Variants in TEAD3 observed in about 807,000 individuals in gnomAD.
TEAD3 encodes the protein transcriptional enhancer factor TEF-5.
Under a neutral mutation model 55.6 loss-of-function variants are expected in TEAD3, and 15 were observed. That is an observed-to-expected ratio of 0.27 (90% CI 0.18 to 0.42). The LOEUF (loss-of-function observed/expected upper bound fraction) is 0.42, where lower values mean the gene tolerates loss of function less well. Ranked by LOEUF, TEAD3 falls within the 10% of genes least tolerant of loss-of-function variation. The pLI is 1.00. For synonymous variants in TEAD3, 210 were observed against 232.2 expected, an observed-to-expected ratio of 0.90 and a Z score of 0.87; for missense variants, 407 against 576.8, an observed-to-expected ratio of 0.71 and a Z score of 3.01.
chr6:35,489,622 C>T (rs772983419), intron 1 of TEAD3, among the ~76,000 whole-genome samples: 3 of 152,168 alleles, frequency 2.0e-5, no homozygotes, highest in Non-Finnish European at 4.4e-5. Context: ...GTCAGAGGGG[C>T]CAGATGCCCT....
At chr6:35,493,271 A>G (rs981706708) in intron 1 of TEAD3, among the ~76,000 whole-genome samples, 2 of 152,096 alleles carry the variant, frequency 1.3e-5, no homozygotes, top group Non-Finnish European at 2.9e-5. Context: ...CATTAATTAC[A>G]TTCCTTCTTT....
chr6:35,494,870 T>C (rs1429868918), intron 1 of TEAD3, among the ~76,000 whole-genome samples: 1 of 120,112 alleles, frequency 8.3e-6, no homozygotes, highest in Non-Finnish European at 1.8e-5. Flanking sequence ...CCTTGACACC[T>C]GCCCCCCGCC....
chr6:35,484,085 A>G lies in TEAD3; in HGVS notation c.267+475T>C, dbSNP rs929209540. Reference sequence around the variant, plus strand: ...ATCCCGAGTGTCACCTCCTCCAGGGAGCCTTCCCAGCTCTCTCTCCCCACT... The same window carrying G: ...ATCCCGAGTGTCACCTCCTCCAGGGGGCCTTCCCAGCTCTCTCTCCCCACT... On this transcript the variant is annotated intron_variant, in intron 3 of 12. Coordinates refer to ENST00000639578, the Ensembl canonical transcript of TEAD3. This position sits in a 1 kb window ranked among gnomAD's most constrained non-coding sequence, Gnocchi z 5.8. Among the ~76,000 whole-genome samples the G allele has an allele frequency of 1.3e-5, 2 of 151,920 alleles. No individual in the cohort carries two copies. The highest frequency in any genetic ancestry group is 4.8e-5 in the African/African-American group (2 of 41,350).
In TEAD3 at chr6:35,480,351, T is replaced by C. The variant is rs1448057102; in HGVS notation, c.268-229A>G. The C allele has an allele frequency of 2.5e-6, 4 of 1,613,950 alleles. No individual in the cohort carries two copies. In the Admixed American group the frequency reaches 6.7e-5, roughly 27 times the overall value. On this transcript the variant is annotated intron_variant, in intron 3 of 12. Coordinates refer to ENST00000639578, the Ensembl canonical transcript of TEAD3. ...GGTACTCCCGCACCTTCTTCCGAGC[T>C]AGAACCTGTATGTGGCTGGACACCT...
rs369495055 is a variant in TEAD3 at position 35,485,905 on chromosome 6, T to G, written c.202+556A>C. The stretch of plus-strand genomic sequence containing the variant: ...AGCTCTGGGAGAGCCCTCTCAGGGC[T>G]GGACAAGAGGGGACACTCCCTTCTG... On this transcript the variant is annotated intron_variant, in intron 2 of 12. Transcript: ENST00000639578. The surrounding 1 kb of genome is among the most constrained non-coding windows in gnomAD (Gnocchi z 4.3). Among the ~76,000 whole-genome samples the G allele has an allele frequency of 6.6e-6, 1 of 152,108 alleles. No individual in the cohort carries two copies. The highest frequency in any genetic ancestry group is 1.9e-4 in the East Asian group (1 of 5,170).
chr6:35,491,585 C>T lies in TEAD3; in HGVS notation c.-49-4874G>A, dbSNP rs563154162. On this transcript the variant is annotated intron_variant, in intron 1 of 12. Coordinates refer to ENST00000639578, the Ensembl canonical transcript of TEAD3. The surrounding 1 kb of genome is among the most constrained non-coding windows in gnomAD (Gnocchi z 4.4). ...CTCCACCTCCTCTCAGAACCCCTCC[C>T]ATCTGCCTCTGCAGAGGAGTCCTGT... 6.6e-6 allele frequency among the ~76,000 whole-genome samples: 1 copy of T among 152,260 alleles called. No individual in the cohort carries two copies. Among genetic ancestry groups the T allele is most frequent in the East Asian group, 1.9e-4 (1 of 5,170 alleles).
intron 4 of TEAD3, 117 bp from the exon 5 acceptor site, chr6:35,479,433 G>T: frequency 7.7e-7 from 1 of 1,300,922 alleles, no homozygotes; most frequent in Non-Finnish European, 1.1e-6. Flanking sequence ...CTTCCGAGGA[G>T]CCCAAGGAAG....
Position 35,486,517 on chromosome 6 carries a change from A to G in TEAD3, c.146T>C (p.Ile49Thr). 6.2e-7 allele frequency: 1 copy of G among 1,613,596 alleles called. No individual in the cohort carries two copies. The highest frequency in any genetic ancestry group is 8.5e-7 in the Non-Finnish European group (1 of 1,179,764). ...CTTCCGCCGGCCGCAGGGCGGGTAG[A>G]TGGCCAGGGCCTCCTGGAAGCTCTG... Residue 49 changes from isoleucine (I) to threonine (T), a missense_variant, in exon 2 of 13, where the codon ATC (isoleucine) becomes ACC (threonine). Coordinates refer to ENST00000639578, the Ensembl canonical transcript of TEAD3. This position sits in a 1 kb window ranked among gnomAD's most constrained non-coding sequence, Gnocchi z 7.3.
At chr6:35,487,862 C>G (rs971922661) in intron 1 of TEAD3, among the ~76,000 whole-genome samples, 18 of 152,228 alleles carry the variant, frequency 1.2e-4, no homozygotes, top group Admixed American at 4.6e-4. Context: ...CAAAGGCATG[C>G]TGAGGAGCAC....
At position 35,476,097 on chromosome 6, in the gene TEAD3, G is replaced by A. The variant is rs2150910495; in HGVS notation, c.727-5C>T. 1 of 1,537,402 alleles carries A rather than the reference G, an allele frequency of 6.5e-7. No homozygotes were observed. Among genetic ancestry groups the A allele is most frequent in the Non-Finnish European group, 8.8e-7 (1 of 1,141,020 alleles). ...CACAAACAGGTGTTTGCTGTACTGT[G>A]GGGAGGGCCCAGACAGGGTCAGGAG... On this transcript the variant is annotated splice_polypyrimidine_tract_variant and splice_region_variant and intron_variant, in intron 9 of 12. Transcript: ENST00000639578.
At chr6:35,480,452 A>G in intron 3 of TEAD3, 78 bp from the exon 4 acceptor site, 1 of 1,496,566 alleles carries the variant, frequency 6.7e-7, no homozygotes. Flanking sequence ...GCCGCGGGCA[A>G]GGAGCATCCC....
chr6:35,479,268 T>C, intron 5 of TEAD3, 37 bp downstream of exon 5: 1 of 1,611,948 alleles, frequency 6.2e-7, no homozygotes, highest in Non-Finnish European at 8.5e-7. Context: ...TTAAGACCCT[T>C]TCCCCCACTC....
At position 35,484,943 on chromosome 6, in the gene TEAD3, T is replaced by G. The variant is rs1768343628; in HGVS notation, c.203-319A>C. ...TCCCTGCAGACAGACCGGGTGGCTG[T>G]GGTACAGGTCAGCAGGACAGTAGCT... On this transcript the variant is annotated intron_variant, in intron 2 of 12. Coordinates refer to ENST00000639578, the Ensembl canonical transcript of TEAD3. This position sits in a 1 kb window ranked among gnomAD's most constrained non-coding sequence, Gnocchi z 5.8. Among the ~76,000 whole-genome samples, 1 of 152,134 alleles carries G rather than the reference T, an allele frequency of 6.6e-6. No homozygotes were observed. The highest frequency in any genetic ancestry group is 2.1e-4 in the South Asian group (1 of 4,832).
At chr6:35,482,564 T>C (rs937912792) in intron 3 of TEAD3, among the ~76,000 whole-genome samples, 1 of 152,096 alleles carries the variant, frequency 6.6e-6, no homozygotes, top group Non-Finnish European at 1.5e-5. Context: ...GGACCCTGAA[T>C]TCAGGGGCTG....
chr6:35,476,220 G>C (rs1359803618), intron 9 of TEAD3, 82 bp downstream of exon 9: 3 of 1,562,124 alleles, frequency 1.9e-6, no homozygotes, highest in Non-Finnish European at 1.7e-6. Context: ...CCAACCCCCA[G>C]ATCCTGAGTT....
chr6:35,481,048 C>T (rs1768257531), intron 3 of TEAD3, among the ~76,000 whole-genome samples: 1 of 151,984 alleles, frequency 6.6e-6, no homozygotes, highest in South Asian at 2.1e-4. Flanking sequence ...GCCTGGCCCT[C>T]CTGCTTTGCT....
At chr6:35,474,979 G>A (rs1581720319) in exon 13 of TEAD3, 1 of 1,371,338 alleles carries the variant, frequency 7.3e-7, no homozygotes, top group South Asian at 1.5e-5. Context: ...ACCCCCCCAG[G>A]GGTGCCAGGC....
chr6:35,480,290 C>T lies in TEAD3; in HGVS notation c.268-168G>A, dbSNP rs546861470. 6 of 1,612,402 alleles carry T rather than the reference C, an allele frequency of 3.7e-6. No individual in the cohort carries two copies. In the Admixed American group the frequency reaches 5.0e-5, roughly 13 times the overall value. On this transcript the variant is annotated intron_variant, in intron 3 of 12. Transcript: ENST00000639578. ...TGAGGGGCCCAGGAGGGCTGAAGGCCCCCGCCAGGCACCCAACATACCTTG... is the reference window on the plus strand; with the variant it reads ...TGAGGGGCCCAGGAGGGCTGAAGGCTCCCGCCAGGCACCCAACATACCTTG...
At position 35,475,439 on chromosome 6, in the gene TEAD3, C is replaced by T. The variant is rs752159956; in HGVS notation, c.1091G>A (p.Arg364His). Reference sequence around the variant, plus strand: ...GATCATGTACTCGCACATGGGCGAGCGGTGGATACGGTACACAAAGCGCCC... The same window carrying T: ...GATCATGTACTCGCACATGGGCGAGTGGTGGATACGGTACACAAAGCGCCC... Residue 364 changes from arginine to histidine, a missense_variant, in exon 12 of 13, where the codon CGC becomes CAC. Coordinates refer to ENST00000639578, the Ensembl canonical transcript of TEAD3. The surrounding 1 kb of genome is among the most constrained non-coding windows in gnomAD (Gnocchi z 5.4). 3 of 1,613,942 alleles carry T rather than the reference C, an allele frequency of 1.9e-6. No homozygotes were observed. In the South Asian group the frequency reaches 3.3e-5, roughly 18 times the overall value.
Sources: gnomAD v4.1 joint callset for allele counts (sites outside exome capture counted in the v4.1 genomes callset) on GRCh38, gnomAD v4.1.1 for gene constraint, Gnocchi (gnomAD v3.1) non-coding constraint, MANE v1.5 for transcripts, NCBI Gene and HGNC (gene_info 2026-07-23, HGNC 2026-07-21) for gene names.